The following NWD2 variants were observed in gnomAD, a reference collection of about 807,000 sequenced individuals.
NWD2 encodes NACHT and WD repeat domain-containing protein 2.
NWD2 carries 37 observed loss-of-function variants against 132.7 expected under a neutral mutation model. The ratio of observed to expected loss-of-function variants is 0.28; its 90% CI spans 0.21 to 0.37. The LOEUF is 0.37. Ranked by LOEUF, NWD2 falls within the 10% of genes least tolerant of loss-of-function variation. NWD2 has a pLI of 1.00. For missense variants in NWD2, 1,592 were observed against 2,122.4 expected (o/e 0.75, Z 4.91); for synonymous variants, 705 against 803.0 (o/e 0.88, Z 2.06).
chr4:37,336,722 C>T (rs1043566587), intron 2 of NWD2, among the ~76,000 whole-genome samples: 2 of 152,028 alleles, frequency 1.3e-5, no homozygotes, highest in Admixed American at 1.3e-4. Context: ...GGGTGGATCA[C>T]GAGGTCAGAA....
At chr4:37,265,014 C>A (rs73240346) in intron 1 of NWD2, among the ~76,000 whole-genome samples, 1 of 151,888 alleles carries the variant, frequency 6.6e-6, no homozygotes, top group Admixed American at 6.6e-5. Flanking sequence ...TGTAAATTGA[C>A]ATAAATTGAA....
At chr4:37,382,677 T>G (rs1720476454) in intron 3 of NWD2, among the ~76,000 whole-genome samples, 1 of 151,964 alleles carries the variant, frequency 6.6e-6, no homozygotes, top group South Asian at 2.1e-4. Context: ...AATTTTATTT[T>G]TATTTTTTAT....
intron 1 of NWD2, among the ~76,000 whole-genome samples, chr4:37,292,580 C>T (rs181145625): frequency 6.6e-6 from 1 of 152,274 alleles, no homozygotes; most frequent in East Asian, 1.9e-4. Context: ...CTTTACCCAG[C>T]TCACCTCCTG....
At chr4:37,271,545 C>T (rs937589735) in intron 1 of NWD2, among the ~76,000 whole-genome samples, 1 of 151,684 alleles carries the variant, frequency 6.6e-6, no homozygotes, top group Non-Finnish European at 1.5e-5. Flanking sequence ...CCTTAAATGC[C>T]TTGTGATTTT....
chr4:37,252,078 T>G (rs1210029337), intron 1 of NWD2, among the ~76,000 whole-genome samples: 1 of 152,174 alleles, frequency 6.6e-6, no homozygotes, highest in Non-Finnish European at 1.5e-5. Flanking sequence ...GAGGGGTTAG[T>G]TTGGCTTTCC....
intron 2 of NWD2, among the ~76,000 whole-genome samples, chr4:37,335,255 A>T (rs936584): frequency 7.1e-6 from 1 of 139,972 alleles, no homozygotes. Context: ...TTCCTTTCCC[A>T]CCCTGAATTT....
At chr4:37,438,598 A>G (rs1712389673) in intron 5 of NWD2, among the ~76,000 whole-genome samples, 1 of 152,206 alleles carries the variant, frequency 6.6e-6, no homozygotes, top group Admixed American at 6.5e-5. Flanking sequence ...AAATTAGATA[A>G]TTTTATGTAA....
intron 1 of NWD2, among the ~76,000 whole-genome samples, chr4:37,308,468 T>C (rs1220003730): frequency 6.6e-6 from 1 of 152,144 alleles, no homozygotes; most frequent in Non-Finnish European, 1.5e-5. Context: ...TTGGGAGCAC[T>C]TGGAGGGGTA....
chr4:37,246,298 C>A (rs13110242), intron 1 of NWD2, among the ~76,000 whole-genome samples: 4,135 of 152,210 alleles, frequency 0.027, 79 homozygotes, highest in Non-Finnish European at 0.042. Flanking sequence ...TCGGAGAAGA[C>A]CAACAAAAGT....
At chr4:37,317,551 G>A (rs1339757906) in intron 1 of NWD2, among the ~76,000 whole-genome samples, 1 of 152,158 alleles carries the variant, frequency 6.6e-6, no homozygotes, top group Non-Finnish European at 1.5e-5. Flanking sequence ...GGGTGTGAAG[G>A]TGTGAAGTCT....
intron 2 of NWD2, among the ~76,000 whole-genome samples, chr4:37,344,158 C>A (rs758792966): frequency 6.6e-6 from 1 of 152,112 alleles, no homozygotes; most frequent in Non-Finnish European, 1.5e-5. Context: ...AAAAGCTAAA[C>A]TTAATTTTTT....
At chr4:37,409,759 A>G (rs1721118360) in intron 3 of NWD2, among the ~76,000 whole-genome samples, 1 of 152,186 alleles carries the variant, frequency 6.6e-6, no homozygotes, top group African/African-American at 2.4e-5. Flanking sequence ...CCAGAGAGAA[A>G]GGTCGGGTTA....
At chr4:37,275,314 C>G (rs1236556761) in intron 1 of NWD2, among the ~76,000 whole-genome samples, 2 of 152,084 alleles carry the variant, frequency 1.3e-5, no homozygotes, top group Admixed American at 1.3e-4. Context: ...CATGAGTGAA[C>G]TCCCATTCAC....
rs371262712 is a variant in NWD2, at chr4:37,333,704, A to G, written c.240+7680A>G. 1.8e-4 allele frequency among the ~76,000 whole-genome samples: 27 copies of G among 152,234 alleles called. 1 individual carries two copies. Among genetic ancestry groups the G allele is most frequent in the East Asian group, 7.7e-4 (4 of 5,162 alleles). ...AAATATCAAGACCATCCAGGAAAAC[A>G]TGATCTCCCCAAATGAGTTCAGGAA... On this transcript the variant is annotated intron_variant, in intron 2 of 6. Coordinates refer to ENST00000309447, the MANE Select transcript of NWD2 (RefSeq NM_001144990.2).
chr4:37,429,379 A>G (rs1712106896), intron 3 of NWD2, among the ~76,000 whole-genome samples: 1 of 152,104 alleles, frequency 6.6e-6, no homozygotes, highest in Non-Finnish European at 1.5e-5. Flanking sequence ...CAGTGGCGCA[A>G]TCTTGGCTCA....
intron 1 of NWD2, among the ~76,000 whole-genome samples, chr4:37,299,217 T>A (rs879156735): frequency 6.6e-6 from 1 of 152,180 alleles, no homozygotes; most frequent in Admixed American, 6.5e-5. Context: ...TTTCCCTCTG[T>A]GCCTTTCTGT....
At chr4:37,332,456 G>GAAA (rs34529414) in intron 2 of NWD2, among the ~76,000 whole-genome samples, 44 of 130,592 alleles carry the variant, frequency 3.4e-4, no homozygotes, top group South Asian at 7.4e-4. Flanking sequence ...CTGCTGCCTT[G>GAAA]AAAAAAAAAA....
intron 2 of NWD2, among the ~76,000 whole-genome samples, chr4:37,354,659 T>C (rs1192624427): frequency 2.0e-5 from 3 of 152,192 alleles, no homozygotes; most frequent in Non-Finnish European, 2.9e-5. Flanking sequence ...GTGAAGGGGA[T>C]TCTGCTTCCA....
At chr4:37,371,072 C>CTGT (rs1720216905) in intron 3 of NWD2, among the ~76,000 whole-genome samples, 1 of 100,526 alleles carries the variant, frequency 9.9e-6, no homozygotes, top group South Asian at 3.4e-4. Flanking sequence ...ATTTTTTTTT[C>CTGT]TTTTTCTTTT....
Sources: gnomAD v4.1 joint callset for allele counts (sites outside exome capture counted in the v4.1 genomes callset) on GRCh38, gnomAD v4.1.1 for gene constraint, MANE v1.5 for transcripts, NCBI Gene and HGNC (gene_info 2026-07-23, HGNC 2026-07-21) for gene names.